FAF2: variants seen among roughly 807,000 people sequenced by gnomAD.
FAF2 encodes the protein Fas associated factor family member 2.
Under a neutral mutation model 62.3 loss-of-function variants are expected in FAF2, and 9 were observed. The ratio of observed to expected loss-of-function variants is 0.14; its 90% CI spans 0.09 to 0.25. The LOEUF (loss-of-function observed/expected upper bound fraction) is 0.25. Ranked by LOEUF, FAF2 falls within the 10% of genes least tolerant of loss-of-function variation. The probability of loss-of-function intolerance (pLI) is 1.00; values close to 1 mark genes in which losing one functional copy is unlikely to be tolerated. For missense variants in FAF2, 368 were observed against 556.2 expected, an observed-to-expected ratio of 0.66 and a Z score of 3.40; for synonymous variants, 202 against 198.0, an observed-to-expected ratio of 1.02 and a Z score of -0.17.
At chr5:176,492,082 C>A in intron 4 of FAF2, 112 bp from the exon 5 acceptor site, 1 of 1,224,638 alleles carries the variant, frequency 8.2e-7, no homozygotes, top group Non-Finnish European at 1.2e-6. Flanking sequence ...GACTGTTCAC[C>A]TCCCTTTGTT....
intron 10 of FAF2, among the ~76,000 whole-genome samples, chr5:176,501,285 G>C (rs1249050841): frequency 3.3e-5 from 5 of 152,216 alleles, no homozygotes; most frequent in Admixed American, 3.3e-4. Flanking sequence ...GAGTCAGTAT[G>C]TTGCCTTTGC....
intron 1 of FAF2, chr5:176,453,216 A>G (rs1758218489): frequency 6.6e-6 from 1 of 152,244 alleles, no homozygotes. Flanking sequence ...GGTTTTAAGG[A>G]GAGCTAATGC....
intron 1 of FAF2, among the ~76,000 whole-genome samples, chr5:176,456,161 T>A (rs745762566): frequency 1.3e-5 from 2 of 152,080 alleles, no homozygotes; most frequent in African/African-American, 4.8e-5. Flanking sequence ...AACCTCCACC[T>A]CCTGGGTTCA....
At chr5:176,474,321 T>C (rs1217252624) in intron 1 of FAF2, among the ~76,000 whole-genome samples, 1 of 152,204 alleles carries the variant, frequency 6.6e-6, no homozygotes, top group East Asian at 1.9e-4. Flanking sequence ...GGGATACATA[T>C]GCAGATATAG....
chr5:176,502,660 C>A (rs980539849), intron 10 of FAF2, among the ~76,000 whole-genome samples: 1 of 152,150 alleles, frequency 6.6e-6, no homozygotes, highest in Non-Finnish European at 1.5e-5. Flanking sequence ...AACTGTGGAA[C>A]AGAATAGGCT....
chr5:176,482,544 T>C (rs949059098), intron 2 of FAF2, among the ~76,000 whole-genome samples: 1 of 150,410 alleles, frequency 6.6e-6, no homozygotes, highest in African/African-American at 2.5e-5. Context: ...GATTTCTCTC[T>C]GTTGCCCAGG....
chr5:176,485,179 G>A (rs1475526724), intron 2 of FAF2, among the ~76,000 whole-genome samples: 1 of 152,138 alleles, frequency 6.6e-6, no homozygotes, highest in Admixed American at 6.5e-5. Context: ...TCTACTAGAG[G>A]TCTTGGAACA....
chr5:176,496,460 C>G, intron 7 of FAF2, 26 bp from the exon 8 acceptor site: 5 of 1,534,174 alleles, frequency 3.3e-6, no homozygotes, highest in Non-Finnish European at 4.4e-6. Context: ...AAGTCCTGCC[C>G]TTGATCTGTT....
chr5:176,473,325 A>G (rs1276630686), intron 1 of FAF2, among the ~76,000 whole-genome samples: 1 of 152,170 alleles, frequency 6.6e-6, no homozygotes, highest in Admixed American at 6.5e-5. Flanking sequence ...ATATTTGCCT[A>G]ATGTTTCTCT....
chr5:176,496,468 G>C lies in FAF2; in HGVS notation c.662-18G>C, dbSNP rs148889879. 6.4e-7 allele frequency: 1 copy of C among 1,551,952 alleles called. No homozygotes were observed. Among genetic ancestry groups the C allele is most frequent in the Non-Finnish European group, 8.7e-7 (1 of 1,151,178 alleles). On this transcript the variant is annotated intron_variant, in intron 7 of 10. Coordinates refer to ENST00000261942, the MANE Select transcript of FAF2 (RefSeq NM_014613.3). ...CACCGTCAAGTCCTGCCCTTGATCT[G>C]TTGGGTCTTTTTATCAGTCTCACAG...
chr5:176,451,801 T>C (rs1425293729), intron 1 of FAF2, among the ~76,000 whole-genome samples: 4 of 25,872 alleles, frequency 1.5e-4, no homozygotes, highest in Non-Finnish European at 2.1e-4. Context: ...TATATATACA[T>C]ATATATATAC....
At chr5:176,465,482 T>G (rs1421360680) in intron 1 of FAF2, among the ~76,000 whole-genome samples, 10 of 151,596 alleles carry the variant, frequency 6.6e-5, no homozygotes, top group East Asian at 2.0e-4. Context: ...ATTCTCCTGC[T>G]TCAACCTCTT....
At position 176,494,417 on chromosome 5, in the gene FAF2, A is replaced by C. The variant is rs1759027914; in HGVS notation, c.661+142A>C. 5.6e-6 allele frequency: 4 copies of C among 711,406 alleles called. No homozygotes were observed. The Admixed American group carries it at 8.6e-5, about 15-fold the overall frequency. 44.1% of individuals were successfully genotyped at this position (711,406 alleles called of 1,614,324 possible). On this transcript the variant is annotated intron_variant, in intron 7 of 10. Transcript: ENST00000261942. This position sits in a 1 kb window ranked among gnomAD's most constrained non-coding sequence, Gnocchi z 4.0. ...GTTGCTATTTTATATTGTCTCATTT[A>C]ATCCTCTCAGCAGTCCTGAGAGATG... is the stretch of plus-strand genomic sequence containing the variant.
At chr5:176,472,129 GTT>G (rs869146152) in intron 1 of FAF2, among the ~76,000 whole-genome samples, 11 of 147,200 alleles carry the variant, frequency 7.5e-5, no homozygotes, top group African/African-American at 2.7e-4. Context: ...TTTGTTTTGA[GTT>G]TTTTTTTTTA....
intron 8 of FAF2, among the ~76,000 whole-genome samples, chr5:176,497,290 T>G (rs1228692671): frequency 2.6e-5 from 4 of 152,088 alleles, no homozygotes; most frequent in Non-Finnish European, 5.9e-5. Context: ...CTCCATTACA[T>G]AAGTTATGTA....
rs761529678 is a variant in FAF2, at chr5:176,496,595, C to A, written c.771C>A (p.Asp257Glu). 2 of 1,612,076 alleles carry A rather than the reference C, an allele frequency of 1.2e-6. No homozygotes were observed. Among genetic ancestry groups the A allele is most frequent in the East Asian group, 4.5e-5 (2 of 44,656 alleles). Residue 257 changes from aspartate (D) to glutamate (E), a missense_variant, in exon 8 of 11, where the codon GAC becomes GAA. Physicochemically the swap from Asp to Glu is conservative, Grantham distance 45 (BLOSUM62 2). Around this residue, in one of 2 missense-constraint regions of FAF2, gnomAD observed 331 missense variants for 441.9 expected, o/e 0.75. Coordinates refer to ENST00000261942, the MANE Select transcript of FAF2 (RefSeq NM_014613.3). ...TAGAAGGCCTCATTCAACCTGATGA[C>A]CTCATTAACCAACTGACATTTATCA... ...GRLEGLIQPD[D>E]LINQLTFIMD...
chr5:176,451,846 AC>A (rs1280933920), intron 1 of FAF2, among the ~76,000 whole-genome samples: 1 of 46,674 alleles, frequency 2.1e-5, no homozygotes. Flanking sequence ...ATATATACAC[AC>A]ATATATATAC....
intron 1 of FAF2, among the ~76,000 whole-genome samples, chr5:176,458,329 G>A (rs957615846): frequency 2.7e-5 from 4 of 150,458 alleles, no homozygotes; most frequent in Non-Finnish European, 4.4e-5. Context: ...TGATCCACCT[G>A]CCTTGGCCTT....
At chr5:176,488,212 A>G (rs192003087) in intron 3 of FAF2, among the ~76,000 whole-genome samples, 1 of 152,320 alleles carries the variant, frequency 6.6e-6, no homozygotes, top group African/African-American at 2.4e-5. Flanking sequence ...TCCTGACCCC[A>G]GGTGATCCAT....
Sources: allele counts gnomAD v4.1 joint callset (sites outside exome capture counted in the v4.1 genomes callset), GRCh38; gene constraint gnomAD v4.1.1; regional missense constraint gnomAD v4.1.1; non-coding constraint Gnocchi (gnomAD v3.1); transcripts MANE v1.5; gene names NCBI Gene and HGNC (gene_info 2026-07-23, HGNC 2026-07-21).